FAM107B: variants seen among roughly 807,000 people sequenced by gnomAD.
FAM107B encodes protein FAM107B.
FAM107B carries 21 observed loss-of-function variants against 31.5 expected under a neutral mutation model. The ratio of observed to expected loss-of-function variants is 0.67; its 90% CI spans 0.47 to 0.96. The LOEUF (loss-of-function observed/expected upper bound fraction) is 0.96. FAM107B is among the 40% of genes least tolerant of loss of function. The pLI, the probability that FAM107B is intolerant of heterozygous loss-of-function variation, is 0.00. For synonymous variants in FAM107B, 157 were observed against 141.5 expected, an observed-to-expected ratio of 1.11 and a Z score of -0.78; for missense variants, 452 against 377.1, an observed-to-expected ratio of 1.20 and a Z score of -1.64.
chr10:14,656,902 T>C (rs1854072980), intron 2 of FAM107B, among the ~76,000 whole-genome samples: 1 of 152,198 alleles, frequency 6.6e-6, no homozygotes, highest in Non-Finnish European at 1.5e-5. Flanking sequence ...GTTCCATGCC[T>C]CCATTCCCAC....
At chr10:14,677,615 C>T (rs1358542317) in intron 1 of FAM107B, among the ~76,000 whole-genome samples, 1 of 151,478 alleles carries the variant, frequency 6.6e-6, no homozygotes, top group Non-Finnish European at 1.5e-5. Flanking sequence ...AGCGAGACTC[C>T]GTCTCAAAAA....
chr10:14,641,190 T>C (rs1461314676), intron 2 of FAM107B, among the ~76,000 whole-genome samples: 3 of 152,220 alleles, frequency 2.0e-5, no homozygotes, highest in Admixed American at 6.5e-5. Flanking sequence ...TAGGTAGATA[T>C]GATAACCAAG....
intron 1 of FAM107B, among the ~76,000 whole-genome samples, chr10:14,679,536 CG>C (rs1854777345): frequency 6.6e-6 from 1 of 152,168 alleles, no homozygotes; most frequent in Admixed American, 6.5e-5. Flanking sequence ...TGTGAGATAG[CG>C]GGACTATCAT....
intron 1 of FAM107B, among the ~76,000 whole-genome samples, chr10:14,682,672 A>T (rs530900205): frequency 6.6e-6 from 1 of 152,190 alleles, no homozygotes; most frequent in South Asian, 2.1e-4. Context: ...GTTCTCACTT[A>T]TAAGTGGGAG....
At chr10:14,609,635 CA>C (rs1387479852) in intron 2 of FAM107B, among the ~76,000 whole-genome samples, 1 of 152,182 alleles carries the variant, frequency 6.6e-6, no homozygotes, top group Admixed American at 6.5e-5. Context: ...CAGGCACACC[CA>C]GATCATCTTC....
intron 1 of FAM107B, among the ~76,000 whole-genome samples, chr10:14,675,791 T>G (rs1854668039): frequency 6.6e-6 from 1 of 152,194 alleles, no homozygotes; most frequent in Admixed American, 6.5e-5. Flanking sequence ...TTTGAGGCTC[T>G]TGATGTAGAT....
intron 2 of FAM107B, among the ~76,000 whole-genome samples, chr10:14,594,501 CA>C (rs371126997): frequency 2.9e-3 from 233 of 80,144 alleles, no homozygotes; most frequent in African/African-American, 0.012. Context: ...AAGACCCTGC[CA>C]AAAAAAAAAA....
At chr10:14,522,967 G>A (rs2130767858) in intron 3 of FAM107B, among the ~76,000 whole-genome samples, 2 of 152,204 alleles carry the variant, frequency 1.3e-5, no homozygotes, top group East Asian at 3.9e-4. Flanking sequence ...AAGCAAGTCG[G>A]CCTTCAGGGA....
intron 2 of FAM107B, among the ~76,000 whole-genome samples, chr10:14,547,095 A>G (rs570337983): frequency 6.6e-6 from 1 of 152,312 alleles, no homozygotes; most frequent in Non-Finnish European, 1.5e-5. Flanking sequence ...CCAGTCCAAC[A>G]ACAACCCCAA....
intron 2 of FAM107B, among the ~76,000 whole-genome samples, chr10:14,617,236 G>A (rs1010450618): frequency 1.3e-5 from 2 of 152,152 alleles, no homozygotes; most frequent in African/African-American, 2.4e-5. Flanking sequence ...AGCCTTTCCT[G>A]TTGAGACCTG....
At chr10:14,592,128 C>T (rs1187399288) in intron 2 of FAM107B, among the ~76,000 whole-genome samples, 1 of 152,208 alleles carries the variant, frequency 6.6e-6, no homozygotes, top group Non-Finnish European at 1.5e-5. Flanking sequence ...CTTCCCCGAT[C>T]CCGTGCCATC....
chr10:14,774,875 C>T lies in FAM107B; in HGVS notation c.-212G>A, dbSNP rs1350504986. The T allele has an allele frequency of 3.5e-6, 2 of 577,114 alleles. No individual in the cohort carries two copies. Among genetic ancestry groups the T allele is most frequent in the East Asian group, 5.8e-5 (2 of 34,218 alleles). The allele number at this position is 577,114 out of a possible 1,614,324, so 35.7% of individuals were successfully genotyped here. The stretch of plus-strand genomic sequence containing the variant: ...CCCCTTTGAAAGTGTCCATCCTGGG[C>T]AATTTCGCGCTCTTCCTTCTGTGAT... On this transcript the variant is annotated 5_prime_UTR_variant, in exon 1 of 5. Transcript: ENST00000181796.
intron 2 of FAM107B, among the ~76,000 whole-genome samples, chr10:14,667,256 C>T (rs1377838471): frequency 6.6e-6 from 1 of 152,102 alleles, no homozygotes; most frequent in Admixed American, 6.6e-5. Context: ...AAAAAAAACC[C>T]CAGCAAACTT....
chr10:14,587,923 T>G (rs893908928), intron 2 of FAM107B, among the ~76,000 whole-genome samples: 5 of 152,202 alleles, frequency 3.3e-5, no homozygotes, highest in Non-Finnish European at 5.9e-5. Flanking sequence ...CTCAATCCTA[T>G]GATAACTGCT....
intron 3 of FAM107B, 147 bp from the exon 4 acceptor site, chr10:14,522,166 G>A: frequency 9.9e-7 from 1 of 1,014,426 alleles, no homozygotes; most frequent in Non-Finnish European, 1.4e-6. Context: ...GCAACATGGT[G>A]ATCTAAGAAA....
chr10:14,564,761 A>G (rs1357775501), intron 2 of FAM107B, among the ~76,000 whole-genome samples: 2 of 152,348 alleles, frequency 1.3e-5, no homozygotes, highest in East Asian at 3.9e-4. Flanking sequence ...TTACAGCTTT[A>G]CTTTCTAATT....
intron 2 of FAM107B, among the ~76,000 whole-genome samples, chr10:14,551,029 G>C (rs527861561): frequency 6.6e-6 from 1 of 152,208 alleles, no homozygotes; most frequent in East Asian, 1.9e-4. Context: ...AATTACAGTA[G>C]GATAGTTTTA....
rs1554835078 is a variant in FAM107B at position 14,570,233 on chromosome 10, G to GGGGTGTGTGTGT, written c.470-39719_470-39718insACACACACACCC. On this transcript the variant is annotated intron_variant, in intron 2 of 4. Transcript: ENST00000181796. ...ACGTACCTACCAAAAAAATGTGGTG[G>GGGGTGTGTGTGT]GTGTGTGTGTGTGTGTGTGTGTGTG... 5.8e-4 allele frequency among the ~76,000 whole-genome samples: 82 copies of GGGGTGTGTGTGT among 140,426 alleles called. 1 individual carries two copies. The highest frequency in any genetic ancestry group is 1.2e-3 in the Admixed American group (18 of 14,422). The allele number at this position is 140,426 out of a possible 152,430, so 92.1% of individuals were successfully genotyped here. A position where few individuals can be genotyped will look rare whatever the true frequency, so the allele number is the denominator to read the frequency against.
intron 2 of FAM107B, among the ~76,000 whole-genome samples, chr10:14,561,436 AG>A (rs1850232974): frequency 6.6e-6 from 1 of 152,222 alleles, no homozygotes; most frequent in South Asian, 2.1e-4. Flanking sequence ...GACATAGCCA[AG>A]GGCTACCAAG....
Sources: allele counts gnomAD v4.1 joint callset (sites outside exome capture counted in the v4.1 genomes callset), GRCh38; gene constraint gnomAD v4.1.1; transcripts MANE v1.5; gene names NCBI Gene and HGNC (gene_info 2026-07-23, HGNC 2026-07-21).